Variants in MSH5 observed in about 807,000 individuals in gnomAD.
The protein encoded by MSH5 is mutS protein homolog 5.
MSH5 carries 78 observed loss-of-function variants against 107.7 expected under a neutral mutation model. The observed-to-expected ratio is 0.72, with a 90% CI of 0.60 to 0.87. The LOEUF is 0.87. Ranked by LOEUF, MSH5 falls within the 40% of genes least tolerant of loss-of-function variation. The probability of loss-of-function intolerance (pLI) is 0.00; values close to 1 mark genes in which losing one functional copy is unlikely to be tolerated. For synonymous variants in MSH5, 326 were observed against 399.5 expected, an observed-to-expected ratio of 0.82 and a Z score of 2.19; for missense variants, 889 against 1,046.6, an observed-to-expected ratio of 0.85 and a Z score of 2.08.
rs761502184 is a variant in MSH5 at position 31,759,552 on chromosome 6, T to TA, written c.1495+47dup. ...GAGGTTATATGCATTGTAAGATGTTTAAAAAAAGCAGCAGCCAGGGGAAGG... is the reference window on the plus strand; with the variant it reads ...GAGGTTATATGCATTGTAAGATGTTTAAAAAAAAGCAGCAGCCAGGGGAAGG... On this transcript the variant is annotated intron_variant, in intron 17 of 24. Transcript: ENST00000375750. The surrounding 1 kb of genome is among the most constrained non-coding windows in gnomAD (Gnocchi z 4.7). The TA allele has an allele frequency of 1.9e-6, 3 of 1,604,228 alleles. No homozygotes were observed. Among genetic ancestry groups the TA allele is most frequent in the East Asian group, 4.5e-5 (2 of 44,746 alleles).
chr6:31,750,961 C>T (rs968720206), intron 10 of MSH5, among the ~76,000 whole-genome samples: 11 of 152,282 alleles, frequency 7.2e-5, no homozygotes, highest in Non-Finnish European at 8.8e-5. Context: ...CGGAATTAGA[C>T]AAACACAGAT....
chr6:31,743,749 T>A (rs1471520876), intron 5 of MSH5, among the ~76,000 whole-genome samples, 155 bp from the exon 6 acceptor site: 1 of 152,144 alleles, frequency 6.6e-6, no homozygotes, highest in African/African-American at 2.4e-5. Flanking sequence ...AGACTAAGAG[T>A]CTGAAAATTT....
Position 31,761,128 on chromosome 6 carries a change from TG to T in MSH5, c.1963-58del. ...TACAGCTTTATTCACAGGCCAACTG[TG>T]GTCAGTGCGTTACGGGCTTCCAATA... On this transcript the variant is annotated intron_variant, in intron 20 of 24. Transcript: ENST00000375750. The surrounding 1 kb of genome is among the most constrained non-coding windows in gnomAD (Gnocchi z 5.3). 6.6e-7 allele frequency: 1 copy of T among 1,521,760 alleles called. No individual in the cohort carries two copies. The highest frequency in any genetic ancestry group is 9.0e-7 in the Non-Finnish European group (1 of 1,107,326). The allele number at this position is 1,521,760 out of a possible 1,614,324, so 94.3% of individuals were successfully genotyped here.
At chr6:31,747,884 A>G (rs1388848118) in intron 10 of MSH5, among the ~76,000 whole-genome samples, 1 of 152,066 alleles carries the variant, frequency 6.6e-6, no homozygotes, top group Non-Finnish European at 1.5e-5. Context: ...GGTGCCTGTA[A>G]TTCCAGCTAC....
In MSH5 at chr6:31,744,060, C is replaced by T. The variant is rs191986866; in HGVS notation, c.537+35C>T. 1.9e-4 allele frequency: 311 copies of T among 1,612,282 alleles called. 1 individual carries two copies. Among genetic ancestry groups the T allele is most frequent in the Admixed American group, 1.3e-3 (78 of 59,652 alleles). On this transcript the variant is annotated intron_variant, in intron 6 of 24. Transcript: ENST00000375750. ...GTCCTGGGGGATAAGGGCTGGGAGG[C>T]GGCACAAGTGCTAGGGCTGAATTCT...
At chr6:31,744,605 T>C (rs1248431687) in intron 8 of MSH5, 24 bp downstream of exon 8, 1 of 1,612,754 alleles carries the variant, frequency 6.2e-7, no homozygotes. Context: ...GGCATGCTGC[T>C]GTCTCTGGGG....
Position 31,740,407 on chromosome 6 carries a change from T to G in MSH5, c.-13-47T>G. ...TGCGCGCCACCCTACCCCGGCCTCC[T>G]CTGTGAATCGTTGCTTCCGAACCGC... is the stretch of plus-strand genomic sequence containing the variant. On this transcript the variant is annotated intron_variant, in intron 1 of 24. Coordinates refer to ENST00000375750, the MANE Select transcript of MSH5 (RefSeq NM_172166.4). This position sits in a 1 kb window ranked among gnomAD's most constrained non-coding sequence, Gnocchi z 4.4. The G allele has an allele frequency of 6.5e-7, 1 of 1,536,036 alleles. No homozygotes were observed. Among genetic ancestry groups the G allele is most frequent in the South Asian group, 1.2e-5 (1 of 82,878 alleles).
chr6:31,753,699 A>G, intron 12 of MSH5, 70 bp downstream of exon 12: 1 of 1,385,508 alleles, frequency 7.2e-7, no homozygotes, highest in Non-Finnish European at 1.0e-6. Flanking sequence ...GACTGTCTGT[A>G]CCCTAGACAT....
rs115294328 is a variant in MSH5 at position 31,761,390 on chromosome 6, G to A, written c.2038-82G>A. 9.0e-5 allele frequency: 144 copies of A among 1,604,872 alleles called. 1 individual carries two copies. Among genetic ancestry groups the A allele is most frequent in the African/African-American group, 8.6e-4 (64 of 74,842 alleles). On this transcript the variant is annotated intron_variant, in intron 21 of 24. Coordinates refer to ENST00000375750, the MANE Select transcript of MSH5 (RefSeq NM_172166.4). The surrounding 1 kb of genome is among the most constrained non-coding windows in gnomAD (Gnocchi z 5.3). ...TGTGGGCAGAAAAGAAATAGAACAC[G>A]AGACAGGGAAAGGCAGTGCAAGTGC...
In MSH5 at chr6:31,747,407, T is replaced by G; in HGVS notation, c.787T>G (p.Cys263Gly). ...SLFGILNRCH[C>G]KWGEKLLRLW... is the part of the protein sequence containing the mutation. The stretch of plus-strand genomic sequence containing the variant: ...CACAGGAATCCTCAACAGATGCCAC[T>G]GTAAGTGGGGAGAGAAGCTGCTCAG... Residue 263 changes from cysteine to glycine, a missense_variant, in exon 10 of 25, where the codon TGT becomes GGT. Physicochemically the swap from Cys to Gly is radical, Grantham distance 159. This residue lies in a region of MSH5 where 518 missense variants were observed against 565.0 expected (regional missense o/e 0.92). Coordinates refer to ENST00000375750, the MANE Select transcript of MSH5 (RefSeq NM_172166.4). 1 of 1,613,106 alleles carries G rather than the reference T, an allele frequency of 6.2e-7. No homozygotes were observed. Among genetic ancestry groups the G allele is most frequent in the Non-Finnish European group, 8.5e-7 (1 of 1,180,034 alleles).
chr6:31,748,766 G>A (rs1432188766), intron 10 of MSH5, among the ~76,000 whole-genome samples: 2 of 151,962 alleles, frequency 1.3e-5, no homozygotes, highest in African/African-American at 4.8e-5. Flanking sequence ...GGTCCATCAC[G>A]TTTACCCCAG....
At chr6:31,762,270 C>T in intron 24 of MSH5, 85 bp downstream of exon 24, 1 of 1,495,918 alleles carries the variant, frequency 6.7e-7, no homozygotes, top group African/African-American at 1.4e-5. Flanking sequence ...AGCCTTCCTC[C>T]AGCACTTTGC....
At chr6:31,747,271 C>G in intron 9 of MSH5, 116 bp from the exon 10 acceptor site, 1 of 1,112,784 alleles carries the variant, frequency 9.0e-7, no homozygotes, top group Non-Finnish European at 1.3e-6. Flanking sequence ...CCTCCCAGGC[C>G]AGCTTCCTCA....
At chr6:31,745,788 T>TTAG (rs1809388202) in intron 9 of MSH5, among the ~76,000 whole-genome samples, 19 of 137,474 alleles carry the variant, frequency 1.4e-4, no homozygotes, top group East Asian at 4.2e-4. Flanking sequence ...TTTTTTTTGA[T>TTAG]ACAGAGTCTC....
chr6:31,758,234 G>A lies in MSH5; in HGVS notation c.1084G>A (p.Asp362Asn), dbSNP rs781779688. 9.3e-6 allele frequency: 15 copies of A among 1,612,958 alleles called. No homozygotes were observed. In the South Asian group the frequency reaches 1.6e-4, roughly 18 times the overall value. Reference sequence around the variant, plus strand: ...GCCGCAGTCCATCCAGCTCTTTCGGGACATTGCCCAAGAGTTCTCTGATGA... The same window carrying A: ...GCCGCAGTCCATCCAGCTCTTTCGGAACATTGCCCAAGAGTTCTCTGATGA... ...SLPQSIQLFR[D>N]IAQEFSDDLH... Residue 362 changes from aspartate to asparagine, a missense_variant, in exon 13 of 25, where the codon GAC becomes AAC. Physicochemically the swap from Asp to Asn is conservative, Grantham distance 23 (BLOSUM62 1). This residue lies in a region of MSH5 where 518 missense variants were observed against 565.0 expected (regional missense o/e 0.92). Coordinates refer to ENST00000375750, the MANE Select transcript of MSH5 (RefSeq NM_172166.4). This position sits in a 1 kb window ranked among gnomAD's most constrained non-coding sequence, Gnocchi z 5.1.
chr6:31,762,630 T>A lies in MSH5; in HGVS notation c.*99T>A. On this transcript the variant is annotated 3_prime_UTR_variant, in exon 25 of 25. Coordinates refer to ENST00000375750, the MANE Select transcript of MSH5 (RefSeq NM_172166.4). ...CCTCAGACGCAGAGTTTTTAGTTTC[T>A]CTAGAAATTTTGTTTCATATTAGGA... The A allele has an allele frequency of 1.4e-6, 1 of 724,902 alleles. No individual in the cohort carries two copies. 44.9% of individuals were successfully genotyped at this position (724,902 alleles called of 1,614,324 possible).
Position 31,760,938 on chromosome 6 carries a change from C to T in MSH5, c.1962+99C>T. The T allele has an allele frequency of 3.0e-6, 4 of 1,355,908 alleles. No homozygotes were observed. In the South Asian group the frequency reaches 4.2e-5, roughly 14 times the overall value. 84.0% of individuals were successfully genotyped at this position (1,355,908 alleles called of 1,614,324 possible). A position where few individuals can be genotyped will look rare whatever the true frequency, so the allele number is the denominator to read the frequency against. On this transcript the variant is annotated intron_variant, in intron 20 of 24. Transcript: ENST00000375750. This position sits in a 1 kb window ranked among gnomAD's most constrained non-coding sequence, Gnocchi z 5.6. ...AGGAAAGCATGCCCTCTGCTGCATG[C>T]CCTTTATACTAAAAGTGGGGAGCAC... is the stretch of plus-strand genomic sequence containing the variant.
chr6:31,761,036 C>A lies in MSH5; in HGVS notation c.1963-152C>A. ...CTTGTTTCATGTGAGTCACTGTTGG[C>A]AAAGAGGATGAACAAAGCGTGCACC... On this transcript the variant is annotated intron_variant, in intron 20 of 24. Coordinates refer to ENST00000375750, the MANE Select transcript of MSH5 (RefSeq NM_172166.4). This position sits in a 1 kb window ranked among gnomAD's most constrained non-coding sequence, Gnocchi z 5.3. 1.0e-6 allele frequency: 1 copy of A among 990,252 alleles called. No homozygotes were observed. Among genetic ancestry groups the A allele is most frequent in the Non-Finnish European group, 1.5e-6 (1 of 670,076 alleles). 61.3% of individuals were successfully genotyped at this position (990,252 alleles called of 1,614,324 possible).
chr6:31,751,671 C>A, intron 10 of MSH5: 1 of 149,390 alleles, frequency 6.7e-6, no homozygotes, highest in South Asian at 2.1e-4. Flanking sequence ...ATAATACTAT[C>A]GGGCCAGGTG....
Sources: allele counts gnomAD v4.1 joint callset (sites outside exome capture counted in the v4.1 genomes callset), GRCh38; gene constraint gnomAD v4.1.1; regional missense constraint gnomAD v4.1.1; non-coding constraint Gnocchi (gnomAD v3.1); transcripts MANE v1.5; gene names NCBI Gene and HGNC (gene_info 2026-07-23, HGNC 2026-07-21).